RPS6KC1: variants seen among roughly 807,000 people sequenced by gnomAD.
RPS6KC1 encodes the protein ribosomal protein S6 kinase C1.
In RPS6KC1, 54 loss-of-function variants were observed where a neutral mutation model predicts 103.8. The observed-to-expected ratio is 0.52, with a 90% CI of 0.42 to 0.65. RPS6KC1 has a LOEUF of 0.65. Among genes scored for constraint, RPS6KC1 ranks in the 30% least tolerant of loss-of-function variants. The pLI is 0.00. For missense variants in RPS6KC1, 1,151 were observed against 1,253.8 expected, an observed-to-expected ratio of 0.92 and a Z score of 1.24; for synonymous variants, 439 against 438.7, an observed-to-expected ratio of 1.00 and a Z score of -0.01.
At chr1:213,332,372 G>T in the RPS6KC1 span, among the ~76,000 whole-genome samples, 1 of 152,206 alleles carries the variant, frequency 6.6e-6, no homozygotes, top group Non-Finnish European at 1.5e-5. Flanking sequence ...TGCACTAGCT[G>T]TCATTTTGAA....
At chr1:213,543,431 T>C in the RPS6KC1 span, among the ~76,000 whole-genome samples, 1 of 152,176 alleles carries the variant, frequency 6.6e-6, no homozygotes, top group Non-Finnish European at 1.5e-5. Flanking sequence ...TTTGGGGCTA[T>C]GTGGGAGGGA....
the RPS6KC1 span, among the ~76,000 whole-genome samples, chr1:213,474,908 T>G: frequency 6.6e-6 from 1 of 152,132 alleles, no homozygotes; most frequent in African/African-American, 2.4e-5. Flanking sequence ...TCTCTCCCTT[T>G]AACAACATCA....
the RPS6KC1 span, among the ~76,000 whole-genome samples, chr1:213,694,143 G>A: frequency 6.6e-6 from 1 of 152,230 alleles, no homozygotes; most frequent in African/African-American, 2.4e-5. Flanking sequence ...ATTATAGTTT[G>A]CCTCAAACTT....
the RPS6KC1 span, among the ~76,000 whole-genome samples, chr1:213,291,876 T>C: frequency 3.9e-5 from 6 of 152,222 alleles, no homozygotes. Flanking sequence ...TTTTATGGTT[T>C]TAGGTCTAAC....
chr1:213,502,966 A>G, the RPS6KC1 span, among the ~76,000 whole-genome samples: 1 of 152,176 alleles, frequency 6.6e-6, no homozygotes, highest in Non-Finnish European at 1.5e-5. Flanking sequence ...GGCTGATCAG[A>G]GTAGGCTTAA....
intron 3 of RPS6KC1, among the ~76,000 whole-genome samples, chr1:213,098,058 T>G (rs979063578): frequency 5.3e-4 from 81 of 152,342 alleles, no homozygotes; most frequent in African/African-American, 1.9e-3. Context: ...CAGTAACTTA[T>G]TTTTTGTATT....
the RPS6KC1 span, among the ~76,000 whole-genome samples, chr1:213,398,969 TTA>T: frequency 6.6e-6 from 1 of 152,114 alleles, no homozygotes; most frequent in South Asian, 2.1e-4. Context: ...GCCCTAAGGG[TTA>T]TATATGGCTA....
chr1:213,286,016 C>T, the RPS6KC1 span, among the ~76,000 whole-genome samples: 2 of 152,088 alleles, frequency 1.3e-5, no homozygotes, highest in Non-Finnish European at 2.9e-5. Flanking sequence ...AAGGCAGAAC[C>T]GTCTGACGTG....
At chr1:213,734,048 A>G in the RPS6KC1 span, among the ~76,000 whole-genome samples, 2 of 152,236 alleles carry the variant, frequency 1.3e-5, no homozygotes, top group Non-Finnish European at 2.9e-5. Context: ...AATGACTGTC[A>G]GTTATTTATA....
At chr1:213,549,567 T>TTTTTC in the RPS6KC1 span, among the ~76,000 whole-genome samples, 6 of 151,560 alleles carry the variant, frequency 4.0e-5, no homozygotes, top group South Asian at 2.1e-4. Flanking sequence ...GAGGCAGGCA[T>TTTTTC]TTTTCTTTTC....
the RPS6KC1 span, among the ~76,000 whole-genome samples, chr1:213,434,336 C>T: frequency 6.6e-6 from 1 of 151,608 alleles, no homozygotes; most frequent in Admixed American, 6.6e-5. Flanking sequence ...GTATAGAATT[C>T]TAGATTACAC....
chr1:213,157,405 C>G (rs1019898869), intron 6 of RPS6KC1, among the ~76,000 whole-genome samples: 2 of 151,964 alleles, frequency 1.3e-5, no homozygotes, highest in Admixed American at 1.3e-4. Flanking sequence ...GACGGGGTTT[C>G]ACCGTGTTAG....
intron 6 of RPS6KC1, among the ~76,000 whole-genome samples, chr1:213,136,996 G>A (rs1341719462): frequency 1.3e-5 from 2 of 152,106 alleles, no homozygotes; most frequent in African/African-American, 4.8e-5. Context: ...CCTGGCTCAG[G>A]TCTGCTTTTT....
At chr1:213,497,376 G>GAA in the RPS6KC1 span, among the ~76,000 whole-genome samples, 4,198 of 142,812 alleles carry the variant, frequency 0.029, 151 homozygotes, top group East Asian at 0.13. Flanking sequence ...TTAACTTAAG[G>GAA]AAAAAAAAAA....
chr1:213,842,725 A>G, the RPS6KC1 span, among the ~76,000 whole-genome samples: 1 of 152,216 alleles, frequency 6.6e-6, no homozygotes, highest in Admixed American at 6.5e-5. Flanking sequence ...TGTGTTTATC[A>G]AATAGGTTAT....
the RPS6KC1 span, among the ~76,000 whole-genome samples, chr1:213,738,880 C>A: frequency 7.3e-6 from 1 of 137,424 alleles, no homozygotes; most frequent in African/African-American, 2.9e-5. Context: ...AAATAAAAAG[C>A]TTTATGAAAA....
chr1:213,287,591 T>C, the RPS6KC1 span, among the ~76,000 whole-genome samples: 41 of 152,318 alleles, frequency 2.7e-4, no homozygotes, highest in South Asian at 7.0e-3. Context: ...TTTGTTATTG[T>C]TTTTTGCAAG....
the RPS6KC1 span, among the ~76,000 whole-genome samples, chr1:213,293,847 CCTT>C: frequency 6.6e-6 from 1 of 152,092 alleles, no homozygotes. Context: ...AGTAATGCAT[CCTT>C]CTTCTTTTTC....
the RPS6KC1 span, among the ~76,000 whole-genome samples, chr1:213,409,161 G>C: frequency 1.3e-5 from 2 of 152,074 alleles, no homozygotes; most frequent in Non-Finnish European, 2.9e-5. Flanking sequence ...TTCCAGGGCA[G>C]GTCCCACGCT....
Sources: allele counts gnomAD v4.1 joint callset (sites outside exome capture counted in the v4.1 genomes callset), GRCh38; gene constraint gnomAD v4.1.1; transcripts MANE v1.5; gene names NCBI Gene and HGNC (gene_info 2026-07-23, HGNC 2026-07-21).